The following TAFA1 variants were observed in gnomAD, a reference collection of about 807,000 sequenced individuals.
The protein encoded by TAFA1 is chemokine-like protein TAFA-1.
A neutral mutation model predicts 18.5 loss-of-function variants in TAFA1; 4 were observed. The ratio of observed to expected loss-of-function variants is 0.22; its 90% confidence interval spans 0.11 to 0.49. The LOEUF is 0.49. Ranked by LOEUF, TAFA1 falls within the 20% of genes least tolerant of loss-of-function variation. TAFA1 has a pLI of 0.98. For missense variants in TAFA1, 147 were observed against 169.0 expected (o/e 0.87, Z 0.72); for synonymous variants, 56 against 55.2 (o/e 1.01, Z -0.06).
At chr3:68,524,426 G>A (rs1295753318) in intron 3 of TAFA1, among the ~76,000 whole-genome samples, 1 of 152,134 alleles carries the variant, frequency 6.6e-6, no homozygotes, top group Non-Finnish European at 1.5e-5. Context: ...AGTGCACAGA[G>A]GCAGGTGTAG....
chr3:68,417,604 GT>G (rs34877887), intron 3 of TAFA1, 184 bp downstream of exon 3: 25,500 of 604,480 alleles, frequency 0.042, 1,558 homozygotes, highest in African/African-American at 0.2. Flanking sequence ...TTATTTGAAT[GT>G]TTTTTCCCCA....
chr3:68,015,937 A>G (rs1031179611), intron 2 of TAFA1, among the ~76,000 whole-genome samples: 1 of 152,200 alleles, frequency 6.6e-6, no homozygotes, highest in Admixed American at 6.5e-5. Flanking sequence ...GCTCTTGGAA[A>G]CATTGCAAAG....
intron 2 of TAFA1, among the ~76,000 whole-genome samples, chr3:68,112,843 A>T (rs1311410784): frequency 6.6e-6 from 1 of 152,176 alleles, no homozygotes; most frequent in East Asian, 1.9e-4. Context: ...AAATACTAAG[A>T]ATGCAATTAT....
chr3:68,254,573 C>T (rs1388365411), intron 2 of TAFA1, among the ~76,000 whole-genome samples: 1 of 151,960 alleles, frequency 6.6e-6, no homozygotes, highest in African/African-American at 2.4e-5. Context: ...AATAATACTA[C>T]TGGAATCTAT....
At chr3:68,330,974 A>T (rs543450927) in intron 2 of TAFA1, among the ~76,000 whole-genome samples, 1 of 152,346 alleles carries the variant, frequency 6.6e-6, no homozygotes, top group South Asian at 2.1e-4. Flanking sequence ...GTTCAAACAA[A>T]AATTTTTACA....
intron 2 of TAFA1, among the ~76,000 whole-genome samples, chr3:68,160,441 G>T (rs2065911717): frequency 6.6e-6 from 1 of 152,204 alleles, no homozygotes; most frequent in Non-Finnish European, 1.5e-5. Flanking sequence ...AACTCTTATA[G>T]TAGAGCATAA....
chr3:68,125,029 G>A (rs554971841), intron 2 of TAFA1, among the ~76,000 whole-genome samples: 5 of 152,322 alleles, frequency 3.3e-5, no homozygotes, highest in East Asian at 1.9e-4. Flanking sequence ...GAATGTGCTC[G>A]AAATAGACAT....
At chr3:68,466,698 A>G (rs753798589) in intron 3 of TAFA1, among the ~76,000 whole-genome samples, 7 of 152,118 alleles carry the variant, frequency 4.6e-5, no homozygotes, top group Non-Finnish European at 8.8e-5. Context: ...CCCTGATTTC[A>G]ATATTTTTAT....
chr3:68,370,286 CAAAAAAAAAAAA>C (rs71618234), intron 2 of TAFA1, among the ~76,000 whole-genome samples: 4 of 10,842 alleles, frequency 3.7e-4, no homozygotes, highest in East Asian at 5.1e-3. Flanking sequence ...GACCCCATCT[CAAAAAAAAAAAA>C]AAAAAAAAAA....
intron 2 of TAFA1, among the ~76,000 whole-genome samples, chr3:68,370,690 C>T (rs1455226332): frequency 6.8e-6 from 1 of 148,056 alleles, no homozygotes. Flanking sequence ...AAGTTATCTT[C>T]ATGAAACTAC....
intron 2 of TAFA1, among the ~76,000 whole-genome samples, chr3:68,109,802 T>A (rs2065243669): frequency 6.6e-6 from 1 of 152,114 alleles, no homozygotes; most frequent in South Asian, 2.1e-4. Context: ...TTAGAGAGAA[T>A]GGTAGAGGCC....
intron 2 of TAFA1, among the ~76,000 whole-genome samples, chr3:68,215,892 C>T (rs572960838): frequency 6.6e-6 from 1 of 152,084 alleles, no homozygotes; most frequent in African/African-American, 2.4e-5. Context: ...ATAAACATCC[C>T]AAACTGTAAA....
chr3:68,144,797 G>C (rs889171584), intron 2 of TAFA1, among the ~76,000 whole-genome samples: 5 of 151,904 alleles, frequency 3.3e-5, no homozygotes, highest in African/African-American at 1.2e-4. Flanking sequence ...TTCAACTTAG[G>C]GTCAAATCCC....
At chr3:68,101,547 G>A (rs1269354550) in intron 2 of TAFA1, among the ~76,000 whole-genome samples, 2 of 152,066 alleles carry the variant, frequency 1.3e-5, no homozygotes, top group African/African-American at 2.4e-5. Flanking sequence ...CATGGATGAA[G>A]GTGTGATTTC....
chr3:68,470,820 T>C (rs2071982849), intron 3 of TAFA1, among the ~76,000 whole-genome samples: 1 of 152,134 alleles, frequency 6.6e-6, no homozygotes. Flanking sequence ...TGAGGAGAAA[T>C]TCAAGATGGC....
At chr3:68,461,360 C>CATATATATAAATATATATATATATATAT (rs2071775010) in intron 3 of TAFA1, among the ~76,000 whole-genome samples, 1 of 106,624 alleles carries the variant, frequency 9.4e-6, no homozygotes, top group African/African-American at 4.1e-5. Flanking sequence ...AATGAAAGTG[C>CATATATATAAATATATATATATATATAT]ATATATATAT....
At chr3:68,110,581 T>C (rs764878255) in intron 2 of TAFA1, among the ~76,000 whole-genome samples, 2 of 152,112 alleles carry the variant, frequency 1.3e-5, no homozygotes, top group Non-Finnish European at 2.9e-5. Flanking sequence ...ATTTGTTTAG[T>C]GAATGGATTA....
chr3:68,000,626 T>C (rs576618706), upstream of TAFA1, among the ~76,000 whole-genome samples: 148 of 152,316 alleles, frequency 9.7e-4, no homozygotes, highest in Admixed American at 2.9e-3. Context: ...GGCTTTTAAG[T>C]AACAGGAGTG....
chr3:68,222,932 C>A (rs574066401), intron 2 of TAFA1, among the ~76,000 whole-genome samples: 3 of 152,232 alleles, frequency 2.0e-5, no homozygotes, highest in African/African-American at 4.8e-5. Context: ...CTTAGCCTCC[C>A]AAAGTGCTAG....
Sources: gnomAD v4.1 joint callset for allele counts (sites outside exome capture counted in the v4.1 genomes callset) on GRCh38, gnomAD v4.1.1 for gene constraint, MANE v1.5 for transcripts, NCBI Gene and HGNC (gene_info 2026-07-23, HGNC 2026-07-21) for gene names.